The following LSAMP variants were observed in gnomAD, a reference collection of about 807,000 sequenced individuals.
LSAMP encodes limbic system-associated membrane protein.
Under a neutral mutation model 38.6 loss-of-function variants are expected in LSAMP, and 7 were observed. The ratio of observed to expected loss-of-function variants is 0.18; its 90% CI spans 0.10 to 0.34. The LOEUF is 0.34. Ranked by LOEUF, LSAMP falls within the 10% of genes least tolerant of loss-of-function variation. The pLI is 1.00. For synonymous variants in LSAMP, 154 were observed against 166.8 expected (o/e 0.92, Z 0.59); for missense variants, 313 against 420.0 (o/e 0.75, Z 2.23).
At chr3:116,316,538 C>T (rs148449876) in intron 1 of LSAMP, among the ~76,000 whole-genome samples, 12 of 151,948 alleles carry the variant, frequency 7.9e-5, no homozygotes, top group Non-Finnish European at 1.0e-4. Context: ...TTTGGGAGAC[C>T]GAGGCGGGTA....
intron 1 of LSAMP, among the ~76,000 whole-genome samples, chr3:116,102,685 C>T (rs760534435): frequency 6.6e-6 from 1 of 152,200 alleles, no homozygotes; most frequent in Non-Finnish European, 1.5e-5. Flanking sequence ...TTCACACTAT[C>T]AGCTTTCCTG....
chr3:116,217,525 T>A (rs1476598471), intron 1 of LSAMP, among the ~76,000 whole-genome samples: 1 of 152,224 alleles, frequency 6.6e-6, no homozygotes, highest in African/African-American at 2.4e-5. Flanking sequence ...GCACAGATAT[T>A]AAAACATAGT....
intron 1 of LSAMP, among the ~76,000 whole-genome samples, chr3:116,351,021 C>T (rs2048132470): frequency 6.6e-6 from 1 of 151,940 alleles, no homozygotes; most frequent in Admixed American, 6.6e-5. Flanking sequence ...TGACTATACC[C>T]ATTTTTGCCA....
At chr3:116,289,478 A>G (rs547401813) in intron 1 of LSAMP, among the ~76,000 whole-genome samples, 3 of 152,312 alleles carry the variant, frequency 2.0e-5, no homozygotes, top group African/African-American at 7.2e-5. Flanking sequence ...TGTCATAACA[A>G]ACTTAGAAAA....
intron 6 of LSAMP, among the ~76,000 whole-genome samples, chr3:115,815,073 C>T (rs1933972358): frequency 6.6e-6 from 1 of 152,118 alleles, no homozygotes; most frequent in Non-Finnish European, 1.5e-5. Flanking sequence ...GGTAGTCCCC[C>T]CTTATCAGTG....
chr3:116,358,193 A>C (rs1271988456), intron 1 of LSAMP, among the ~76,000 whole-genome samples: 1 of 152,194 alleles, frequency 6.6e-6, no homozygotes, highest in Admixed American at 6.5e-5. Context: ...CTGTTCCCCA[A>C]AGAAAAAGCT....
At chr3:116,166,001 A>T (rs1054781482) in intron 1 of LSAMP, among the ~76,000 whole-genome samples, 2 of 152,128 alleles carry the variant, frequency 1.3e-5, no homozygotes, top group African/African-American at 4.8e-5. Context: ...CTTGTTCTTT[A>T]TATGTTCATA....
rs551940573 is a variant in LSAMP, at chr3:116,064,117, G to T, written c.388+22207C>A. On this transcript the variant is annotated intron_variant, in intron 2 of 6. Transcript: ENST00000490035. The stretch of plus-strand genomic sequence containing the variant: ...GCAAATCTTATTAATAGTCTTCAAA[G>T]GTATAACCTCTTCCTCTTTAACATC... Among the ~76,000 whole-genome samples, 4 of 152,254 alleles carry T rather than the reference G, an allele frequency of 2.6e-5. No homozygotes were observed. In the South Asian group the frequency reaches 8.3e-4, roughly 32 times the overall value.
intron 1 of LSAMP, among the ~76,000 whole-genome samples, chr3:116,298,994 A>G (rs2047371747): frequency 6.6e-6 from 1 of 152,200 alleles, no homozygotes; most frequent in Admixed American, 6.5e-5. Context: ...AATGGAACCA[A>G]AATTTTAAAA....
At chr3:116,224,561 T>C (rs1161064866) in intron 1 of LSAMP, among the ~76,000 whole-genome samples, 2 of 152,386 alleles carry the variant, frequency 1.3e-5, no homozygotes, top group East Asian at 1.9e-4. Flanking sequence ...TTCCTTTTTT[T>C]CTGCATATCT....
chr3:116,103,464 CAAAAAAAAAAAAA>C (rs59732794), intron 1 of LSAMP, among the ~76,000 whole-genome samples: 1 of 42,830 alleles, frequency 2.3e-5, no homozygotes, highest in South Asian at 1.1e-3. Flanking sequence ...GACTCCTTCT[CAAAAAAAAAAAAA>C]AAAAAAAAAA....
chr3:115,959,996 G>T (rs1471306497), intron 3 of LSAMP, among the ~76,000 whole-genome samples: 1 of 152,064 alleles, frequency 6.6e-6, no homozygotes, highest in Non-Finnish European at 1.5e-5. Context: ...TGGTGTCTTG[G>T]GGTCTACGCC....
At chr3:116,201,474 G>T (rs186652425) in intron 1 of LSAMP, among the ~76,000 whole-genome samples, 1 of 152,284 alleles carries the variant, frequency 6.6e-6, no homozygotes, top group Admixed American at 6.5e-5. Flanking sequence ...AACCTCCTGT[G>T]CATGGCTGGC....
intron 1 of LSAMP, among the ~76,000 whole-genome samples, chr3:116,247,522 TAGA>T (rs1433681833): frequency 2.6e-5 from 4 of 152,308 alleles, no homozygotes; most frequent in African/African-American, 7.2e-5. Context: ...AAATATGACA[TAGA>T]AGAATAATAT....
At chr3:116,302,421 C>G (rs573752617) in intron 1 of LSAMP, among the ~76,000 whole-genome samples, 1 of 152,106 alleles carries the variant, frequency 6.6e-6, no homozygotes, top group Non-Finnish European at 1.5e-5. Context: ...TTACTTAGAA[C>G]GGTAATCACC....
intron 2 of LSAMP, among the ~76,000 whole-genome samples, chr3:116,043,802 A>G (rs942882063): frequency 1.3e-5 from 2 of 152,158 alleles, no homozygotes; most frequent in African/African-American, 2.4e-5. Flanking sequence ...AAAATTAGCC[A>G]GGCATGGTGG....
intron 1 of LSAMP, among the ~76,000 whole-genome samples, chr3:116,411,165 T>A (rs919321730): frequency 6.6e-6 from 1 of 152,092 alleles, no homozygotes; most frequent in Non-Finnish European, 1.5e-5. Context: ...AGAACACTTT[T>A]ACACTGTTGG....
chr3:115,907,559 G>T (rs1287690455), intron 3 of LSAMP, among the ~76,000 whole-genome samples: 2 of 152,010 alleles, frequency 1.3e-5, no homozygotes, highest in Admixed American at 1.3e-4. Context: ...TTTTGTTATA[G>T]TACCCTACAC....
chr3:115,976,974 A>T (rs1939207217), intron 3 of LSAMP, among the ~76,000 whole-genome samples: 1 of 152,160 alleles, frequency 6.6e-6, no homozygotes, highest in African/African-American at 2.4e-5. Flanking sequence ...TGAGTATTTC[A>T]TTCTGTACTA....
Sources: allele counts gnomAD v4.1 joint callset (sites outside exome capture counted in the v4.1 genomes callset), GRCh38; gene constraint gnomAD v4.1.1; transcripts MANE v1.5; gene names NCBI Gene and HGNC (gene_info 2026-07-23, HGNC 2026-07-21).